ANGPTL7: variants seen among roughly 807,000 people sequenced by gnomAD.
The protein encoded by ANGPTL7 is angiopoietin-related protein 7.
ANGPTL7 carries 37 observed loss-of-function variants against 38.8 expected under a neutral mutation model. The ratio of observed to expected loss-of-function variants is 0.95; its 90% CI spans 0.73 to 1.25. ANGPTL7 has a LOEUF of 1.25. Among genes scored for constraint, ANGPTL7 ranks in the 50% most tolerant of loss-of-function variants. ANGPTL7 has a pLI of 0.00. For synonymous variants in ANGPTL7, 166 were observed against 163.2 expected (o/e 1.02, Z -0.13); for missense variants, 427 against 438.6 (o/e 0.97, Z 0.24).
Position 11,189,970 on chromosome 1 carries a change from C to G in ANGPTL7, c.376+15C>G. The G allele has an allele frequency of 3.1e-6, 5 of 1,592,180 alleles. No homozygotes were observed. The highest frequency in any genetic ancestry group is 4.3e-6 in the Non-Finnish European group (5 of 1,169,590). The stretch of plus-strand genomic sequence containing the variant: ...GACCTCCGCAGGTAAGGAGACCAGT[C>G]CCCTGAGGGAGCGTGGAGTGCCTCC... On this transcript the variant is annotated intron_variant, in intron 1 of 4. Coordinates refer to ENST00000376819, the MANE Select transcript of ANGPTL7 (RefSeq NM_021146.4).
intron 2 of ANGPTL7, among the ~76,000 whole-genome samples, chr1:11,192,593 T>C (rs182064511): frequency 2.0e-3 from 297 of 151,788 alleles, no homozygotes; most frequent in African/African-American, 7.0e-3. Context: ...CTGTCTCTAC[T>C]AAAAATACAA....
chr1:11,194,729 T>C, intron 4 of ANGPTL7, 70 bp downstream of exon 4: 1 of 1,607,822 alleles, frequency 6.2e-7, no homozygotes, highest in African/African-American at 1.3e-5. Context: ...GGAGAAAGAG[T>C]GAATTATAAC....
intron 4 of ANGPTL7, 25 bp from the exon 5 acceptor site, chr1:11,194,829 G>A (rs915870233): frequency 6.2e-7 from 1 of 1,612,904 alleles, no homozygotes. Flanking sequence ...CAACTTACTA[G>A]CACTGGGTCT....
chr1:11,193,533 C>T (rs1321142481), intron 2 of ANGPTL7, 47 bp from the exon 3 acceptor site: 17 of 1,527,094 alleles, frequency 1.1e-5, no homozygotes, highest in Non-Finnish European at 1.5e-5. Context: ...CTTGCTCCTG[C>T]CTTCTGCCCC....
rs1356357600 is a variant in ANGPTL7, at chr1:11,189,450, A to C, written c.-130A>C. 5.3e-6 allele frequency: 6 copies of C among 1,136,752 alleles called. No individual in the cohort carries two copies. The East Asian group carries it at 1.4e-4, about 27-fold the overall frequency. 70.4% of individuals were successfully genotyped at this position (1,136,752 alleles called of 1,614,324 possible). ...AGCAAAGAGCAAGGAAAGAGAGAAA[A>C]CAACAAAGTGGCGAGGCCCTCAGAG... On this transcript the variant is annotated 5_prime_UTR_variant, in exon 1 of 5. Transcript: ENST00000376819.
intron 3 of ANGPTL7, 24 bp downstream of exon 3, chr1:11,193,798 A>C (rs1245735837): frequency 1.9e-6 from 3 of 1,612,892 alleles, no homozygotes; most frequent in Non-Finnish European, 2.5e-6. Flanking sequence ...CAGGGGCCCC[A>C]TGACTGGACC....
chr1:11,193,549 G>A, intron 2 of ANGPTL7, 31 bp from the exon 3 acceptor site: 1 of 1,547,212 alleles, frequency 6.5e-7, no homozygotes, highest in East Asian at 2.3e-5. Context: ...GCCCCTGCAA[G>A]TCCCTCACCA....
At position 11,194,455 on chromosome 1, in the gene ANGPTL7, T is replaced by A; in HGVS notation, c.673-6T>A. 6.2e-7 allele frequency: 1 copy of A among 1,613,732 alleles called. No individual in the cohort carries two copies. Among genetic ancestry groups the A allele is most frequent in the Non-Finnish European group, 8.5e-7 (1 of 1,179,970 alleles). ...ACTTTCTTTAAGGCTCTGCTCCTCCTGACAGGACTGGGAGGGCAACCTGCG... is the reference window on the plus strand; with the variant it reads ...ACTTTCTTTAAGGCTCTGCTCCTCCAGACAGGACTGGGAGGGCAACCTGCG... On this transcript the variant is annotated splice_region_variant and splice_polypyrimidine_tract_variant and intron_variant, in intron 3 of 4. Transcript: ENST00000376819.
chr1:11,192,249 C>G (rs759199539), intron 1 of ANGPTL7, 21 bp from the exon 2 acceptor site: 1 of 1,575,376 alleles, frequency 6.3e-7, no homozygotes, highest in Non-Finnish European at 8.7e-7. Flanking sequence ...AATGCTCACC[C>G]TGTGGTTTGT....
chr1:11,192,309 A>G lies in ANGPTL7; in HGVS notation c.416A>G (p.Tyr139Cys). The G allele has an allele frequency of 1.9e-6, 3 of 1,614,050 alleles. No homozygotes were observed. The highest frequency in any genetic ancestry group is 2.5e-6 in the Non-Finnish European group (3 of 1,179,998). Residue 139 changes from tyrosine (Y) to cysteine (C), a missense_variant, in exon 2 of 5, where the codon TAC becomes TGC. Coordinates refer to ENST00000376819, the MANE Select transcript of ANGPTL7 (RefSeq NM_021146.4). ...TGCTCTTCCCTCTACCAGAAGAACT[A>G]CCGCATCTCTGGAGTGTATAAGCTT... ...YDCSSLYQKN[Y>C]RISGVYKLPP...
chr1:11,194,954 CTGGCATGGATCT>C lies in ANGPTL7; in HGVS notation c.973_984del (p.Trp325_Ser328del), dbSNP rs1645725796. ...ACCTGGATGGCATCACCTGGTATGG[CTGGCATGGATCT>C]ACCTACTCCCTCAAACGGGTGGAGA... On this transcript the variant is annotated inframe_deletion, in exon 5 of 5. Transcript: ENST00000376819. 1 of 1,614,132 alleles carries C rather than the reference CTGGCATGGATCT, an allele frequency of 6.2e-7. No homozygotes were observed. The highest frequency in any genetic ancestry group is 2.2e-5 in the East Asian group (1 of 44,870).
Position 11,189,637 on chromosome 1 carries a change from G to A in ANGPTL7, c.58G>A (p.Val20Ile). 6.2e-7 allele frequency: 1 copy of A among 1,614,064 alleles called. No homozygotes were observed. The highest frequency in any genetic ancestry group is 8.5e-7 in the Non-Finnish European group (1 of 1,179,994). The change falls in exon 1 of 5, where the codon GTC becomes ATC. Residue 20 changes from valine to isoleucine, a missense_variant. Coordinates refer to ENST00000376819, the MANE Select transcript of ANGPTL7 (RefSeq NM_021146.4). ...GCTCTGCATTTTCATCGTGGCCTTT[G>A]TCAGCCACCCAGCGTGGCTGCAGAA... ...TWLCIFIVAF[V>I]SHPAWLQKLS...
At chr1:11,193,410 C>A (rs28991008) in intron 2 of ANGPTL7, among the ~76,000 whole-genome samples, 170 bp from the exon 3 acceptor site, 4,809 of 152,308 alleles carry the variant, frequency 0.032, 105 homozygotes, top group South Asian at 0.056. Flanking sequence ...CACCACCCAC[C>A]CCAGCTCACC....
rs28991003 is a variant in ANGPTL7, at chr1:11,192,411, C to T, written c.477+41C>T. On this transcript the variant is annotated intron_variant, in intron 2 of 4. Transcript: ENST00000376819. ...TCACTGGCCATGCCCTAATACCTGT[C>T]CTTCACCCCCTCAAGGGGACTACAA... 20 of 1,491,422 alleles carry T rather than the reference C, an allele frequency of 1.3e-5. No individual in the cohort carries two copies. The Admixed American group carries it at 2.5e-4, about 19-fold the overall frequency. The allele number at this position is 1,491,422 out of a possible 1,614,324, so 92.4% of individuals were successfully genotyped here. A position where few individuals can be genotyped will look rare whatever the true frequency, so the allele number is the denominator to read the frequency against.
chr1:11,192,748 T>TAAAAAA (rs56996673), intron 2 of ANGPTL7, among the ~76,000 whole-genome samples: 1 of 119,254 alleles, frequency 8.4e-6, no homozygotes. Flanking sequence ...CCATTTCAAT[T>TAAAAAA]AAAAAAAAAA....
At chr1:11,192,930 C>T (rs750002254) in intron 2 of ANGPTL7, among the ~76,000 whole-genome samples, 8 of 152,056 alleles carry the variant, frequency 5.3e-5, no homozygotes, top group Non-Finnish European at 7.4e-5. Flanking sequence ...TTATAACCAC[C>T]ACATAACTTA....
At chr1:11,194,721 A>G in intron 4 of ANGPTL7, 62 bp downstream of exon 4, 1 of 1,609,348 alleles carries the variant, frequency 6.2e-7, no homozygotes, top group East Asian at 2.2e-5. Context: ...CCACTTGAGG[A>G]GAAAGAGTGA....
In ANGPTL7 at chr1:11,194,968, C is replaced by T. The variant is rs371259077; in HGVS notation, c.986C>T (p.Thr329Ile). 1.2e-6 allele frequency: 2 copies of T among 1,614,088 alleles called. No homozygotes were observed. Among genetic ancestry groups the T allele is most frequent in the Non-Finnish European group, 1.7e-6 (2 of 1,180,018 alleles). Residue 329 changes from threonine (T) to isoleucine (I), a missense_variant, in exon 5 of 5, where the codon ACC becomes ATC. By Grantham distance (89) the Thr-to-Ile change is moderately conservative. Coordinates refer to ENST00000376819, the MANE Select transcript of ANGPTL7 (RefSeq NM_021146.4). ...ACCTGGTATGGCTGGCATGGATCTA[C>T]CTACTCCCTCAAACGGGTGGAGATG... ...GITWYGWHGSTYSLKRVEMKI... is the reference protein window; with the variant it reads ...GITWYGWHGSIYSLKRVEMKI...
rs1025302766 is a variant in ANGPTL7 at position 11,195,739 on chromosome 1, C to T, written c.*716C>T. 2.0e-5 allele frequency: 3 copies of T among 152,578 alleles called. No individual in the cohort carries two copies. Among genetic ancestry groups the T allele is most frequent in the African/African-American group, 7.2e-5 (3 of 41,424 alleles). 9.5% of individuals were successfully genotyped at this position (152,578 alleles called of 1,614,324 possible). ...CTCATGGATGCCGGCACAAAACTGC[C>T]TTAAAATATTCATAGTTAATACAGG... On this transcript the variant is annotated 3_prime_UTR_variant, in exon 5 of 5. Transcript: ENST00000376819.
Sources: allele counts gnomAD v4.1 joint callset (sites outside exome capture counted in the v4.1 genomes callset), GRCh38; gene constraint gnomAD v4.1.1; transcripts MANE v1.5; gene names NCBI Gene and HGNC (gene_info 2026-07-23, HGNC 2026-07-21).